KPNA3: variants seen among roughly 807,000 people sequenced by gnomAD.
KPNA3 encodes karyopherin subunit alpha 3.
Under a neutral mutation model 73.8 loss-of-function variants are expected in KPNA3, and 13 were observed. That is an observed-to-expected ratio of 0.18 (90% CI 0.11 to 0.28). The LOEUF (loss-of-function observed/expected upper bound fraction) is 0.28. Ranked by LOEUF, KPNA3 falls within the 10% of genes least tolerant of loss-of-function variation. The pLI, the probability that KPNA3 is intolerant of heterozygous loss-of-function variation, is 1.00. For missense variants in KPNA3, 360 were observed against 618.1 expected (o/e 0.58, Z 4.43); for synonymous variants, 186 against 206.9 (o/e 0.90, Z 0.87).
At chr13:49,713,950 C>T (rs1203597383) in intron 10 of KPNA3, among the ~76,000 whole-genome samples, 4 of 152,032 alleles carry the variant, frequency 2.6e-5, no homozygotes, top group African/African-American at 7.3e-5. Flanking sequence ...GTGATCCACC[C>T]GCCTCAGCCT....
At chr13:49,745,398 C>CA (rs1954607798) in intron 2 of KPNA3, among the ~76,000 whole-genome samples, 2 of 147,922 alleles carry the variant, frequency 1.4e-5, no homozygotes, top group Non-Finnish European at 3.0e-5. Flanking sequence ...CTCGCTCTGT[C>CA]ACCTAGGCTG....
At chr13:49,743,980 A>C (rs1395055093) in intron 2 of KPNA3, among the ~76,000 whole-genome samples, 2 of 152,188 alleles carry the variant, frequency 1.3e-5, no homozygotes, top group Non-Finnish European at 2.9e-5. Context: ...AAATCCAGAC[A>C]AAAAAGGACG....
chr13:49,706,688 C>G (rs1954210076), intron 12 of KPNA3, among the ~76,000 whole-genome samples: 1 of 152,138 alleles, frequency 6.6e-6, no homozygotes. Context: ...ATGGAGCTTA[C>G]ATGTCTGTGC....
intron 1 of KPNA3, among the ~76,000 whole-genome samples, chr13:49,757,017 C>G (rs1261028378): frequency 6.6e-6 from 1 of 152,002 alleles, no homozygotes; most frequent in Non-Finnish European, 1.5e-5. Context: ...AAATATTAAC[C>G]CTGACTTAAG....
At chr13:49,759,641 C>T (rs904636023) in intron 1 of KPNA3, among the ~76,000 whole-genome samples, 6 of 152,164 alleles carry the variant, frequency 3.9e-5, no homozygotes. Context: ...CTAGATCACT[C>T]GCATGCACAG....
At chr13:49,719,580 G>A (rs1004387558) in intron 10 of KPNA3, among the ~76,000 whole-genome samples, 195 bp downstream of exon 10, 1 of 152,116 alleles carries the variant, frequency 6.6e-6, no homozygotes, top group Admixed American at 6.6e-5. Flanking sequence ...TCAAAAGTGA[G>A]CATTTTTGCT....
intron 2 of KPNA3, among the ~76,000 whole-genome samples, chr13:49,734,983 T>C (rs1954508970): frequency 9.2e-6 from 1 of 108,616 alleles, no homozygotes; most frequent in African/African-American, 3.0e-5. Context: ...AGACATTCTA[T>C]TAGGCATATA....
At chr13:49,704,928 C>CA (rs1189104284) in intron 15 of KPNA3, among the ~76,000 whole-genome samples, 2 of 151,784 alleles carry the variant, frequency 1.3e-5, no homozygotes, top group African/African-American at 4.8e-5. Flanking sequence ...TAATAACACA[C>CA]AAAAAAAGTG....
intron 2 of KPNA3, among the ~76,000 whole-genome samples, chr13:49,739,755 C>A (rs770003711): frequency 6.6e-6 from 1 of 151,868 alleles, no homozygotes; most frequent in Non-Finnish European, 1.5e-5. Context: ...TCTAAAGTAA[C>A]AAAAAAAGGT....
chr13:49,778,726 T>A (rs1390037754), intron 1 of KPNA3, among the ~76,000 whole-genome samples: 1 of 152,146 alleles, frequency 6.6e-6, no homozygotes, highest in African/African-American at 2.4e-5. Flanking sequence ...TCCTCCCACC[T>A]CAGCCTCCCA....
intron 12 of KPNA3, among the ~76,000 whole-genome samples, chr13:49,706,959 C>A (rs1341084059): frequency 6.6e-6 from 1 of 152,048 alleles, no homozygotes; most frequent in Admixed American, 6.6e-5. Flanking sequence ...CCGTGTTAGC[C>A]AGGATGGTCT....
At position 49,732,059 on chromosome 13, in the gene KPNA3, A is replaced by G. The variant is rs549656589; in HGVS notation, c.383+312T>C. On this transcript the variant is annotated intron_variant, in intron 6 of 16. Coordinates refer to ENST00000261667, the MANE Select transcript of KPNA3 (RefSeq NM_002267.4). ...CTCATAAGCAAAGAGTGACTCAAACATTATTTGGGTTGTTTTAAAATATTA... is the reference window on the plus strand; with the variant it reads ...CTCATAAGCAAAGAGTGACTCAAACGTTATTTGGGTTGTTTTAAAATATTA... Among the ~76,000 whole-genome samples, 4 of 152,320 alleles carry G rather than the reference A, an allele frequency of 2.6e-5. 1 individual carries two copies. The South Asian group carries it at 8.3e-4, about 32-fold the overall frequency.
intron 10 of KPNA3, among the ~76,000 whole-genome samples, chr13:49,717,684 T>A (rs1422796744): frequency 6.6e-6 from 1 of 152,206 alleles, no homozygotes; most frequent in Non-Finnish European, 1.5e-5. Context: ...ATGGAGATAA[T>A]GAGAGTACCA....
chr13:49,783,029 A>C (rs1954953881), intron 1 of KPNA3, among the ~76,000 whole-genome samples: 2 of 152,302 alleles, frequency 1.3e-5, no homozygotes, highest in South Asian at 4.1e-4. Flanking sequence ...AAGCCAAAAA[A>C]ATTAAGAAGA....
chr13:49,776,245 ATC>A (rs1213496603), intron 1 of KPNA3, among the ~76,000 whole-genome samples: 1 of 152,146 alleles, frequency 6.6e-6, no homozygotes, highest in Non-Finnish European at 1.5e-5. Context: ...ACATCCAAGT[ATC>A]AATTCTTTCT....
intron 14 of KPNA3, 109 bp from the exon 15 acceptor site, chr13:49,705,892 G>T: frequency 1.8e-6 from 2 of 1,094,478 alleles, no homozygotes; most frequent in Non-Finnish European, 2.5e-6. Flanking sequence ...GAGCCCAGGA[G>T]TTGGAGGCTG....
intron 12 of KPNA3, among the ~76,000 whole-genome samples, chr13:49,709,018 C>T (rs189754388): frequency 6.6e-6 from 1 of 152,278 alleles, no homozygotes; most frequent in East Asian, 1.9e-4. Context: ...ATGATTGTTG[C>T]TATGCTCAGT....
chr13:49,707,392 T>C (rs1954217756), intron 12 of KPNA3, among the ~76,000 whole-genome samples: 4 of 152,212 alleles, frequency 2.6e-5, no homozygotes, highest in South Asian at 2.1e-4. Flanking sequence ...TTCTTGCACA[T>C]TTTTTGTAGA....
chr13:49,733,434 G>T (rs746713151), intron 2 of KPNA3, among the ~76,000 whole-genome samples: 2 of 151,820 alleles, frequency 1.3e-5, no homozygotes, highest in Non-Finnish European at 2.9e-5. Flanking sequence ...GATTACAGTC[G>T]TGCGCCACCA....
Sources: allele counts gnomAD v4.1 joint callset (sites outside exome capture counted in the v4.1 genomes callset), GRCh38; gene constraint gnomAD v4.1.1; transcripts MANE v1.5; gene names NCBI Gene and HGNC (gene_info 2026-07-23, HGNC 2026-07-21).